Variants in PLCE1 observed in about 807,000 individuals in gnomAD.
PLCE1 encodes phospholipase C epsilon 1.
A neutral mutation model predicts 242.8 loss-of-function variants in PLCE1; 119 were observed. The ratio of observed to expected loss-of-function variants is 0.49; its 90% CI spans 0.42 to 0.57. The LOEUF (loss-of-function observed/expected upper bound fraction) is 0.57, where lower values mean the gene tolerates loss of function less well. Among genes scored for constraint, PLCE1 ranks in the 20% least tolerant of loss-of-function variants. The probability of loss-of-function intolerance (pLI) is 0.00; values close to 1 mark genes in which losing one functional copy is unlikely to be tolerated. For synonymous variants in PLCE1, 945 were observed against 1,017.4 expected, an observed-to-expected ratio of 0.93 and a Z score of 1.35; for missense variants, 2,441 against 2,788.8, an observed-to-expected ratio of 0.88 and a Z score of 2.81.
At chr10:94,257,571 C>T (rs2051143691) in intron 11 of PLCE1, among the ~76,000 whole-genome samples, 1 of 152,286 alleles carries the variant, frequency 6.6e-6, no homozygotes, top group South Asian at 2.1e-4. Flanking sequence ...ACATAGACAC[C>T]ATTGGAATAC....
chr10:94,097,800 C>CTGAA (rs955727390), intron 2 of PLCE1, among the ~76,000 whole-genome samples: 1 of 152,186 alleles, frequency 6.6e-6, no homozygotes, highest in African/African-American at 2.4e-5. Flanking sequence ...GTATGTGGTG[C>CTGAA]TGAGCCTTTA....
intron 4 of PLCE1, among the ~76,000 whole-genome samples, chr10:94,185,259 G>A (rs2048437613): frequency 6.6e-6 from 1 of 152,244 alleles, no homozygotes; most frequent in South Asian, 2.1e-4. Context: ...AGCATTTTAA[G>A]AGGCTGAGGT....
chr10:94,144,159 A>C (rs1349860405), intron 3 of PLCE1, among the ~76,000 whole-genome samples: 1 of 152,176 alleles, frequency 6.6e-6, no homozygotes, highest in Non-Finnish European at 1.5e-5. Flanking sequence ...CAAAATCCTT[A>C]ACTAGGGTTG....
intron 2 of PLCE1, among the ~76,000 whole-genome samples, chr10:94,129,353 G>A (rs1181596206): frequency 1.3e-5 from 2 of 152,206 alleles, no homozygotes; most frequent in Non-Finnish European, 2.9e-5. Flanking sequence ...AAATAGTTAA[G>A]CAAATTAAAA....
chr10:94,298,754 G>A lies in PLCE1; in HGVS notation c.5458+85G>A. Reference sequence around the variant, plus strand: ...TGACAGCATTTTTTCAAAGGGGCAAGATTCCAGACTGGGGCACACCATATG... The same window carrying A: ...TGACAGCATTTTTTCAAAGGGGCAAAATTCCAGACTGGGGCACACCATATG... On this transcript the variant is annotated intron_variant, in intron 24 of 32. Coordinates refer to ENST00000371380, the MANE Select transcript of PLCE1 (RefSeq NM_016341.4). The surrounding 1 kb of genome is among the most constrained non-coding windows in gnomAD (Gnocchi z 5.2). 7.3e-7 allele frequency: 1 copy of A among 1,378,056 alleles called. No individual in the cohort carries two copies. Among genetic ancestry groups the A allele is most frequent in the Admixed American group, 1.7e-5 (1 of 59,728 alleles). 85.4% of individuals were successfully genotyped at this position (1,378,056 alleles called of 1,614,324 possible). A position where few individuals can be genotyped will look rare whatever the true frequency, so the allele number is the denominator to read the frequency against.
intron 2 of PLCE1, among the ~76,000 whole-genome samples, chr10:94,116,550 C>T (rs1447326104): frequency 6.6e-6 from 1 of 152,180 alleles, no homozygotes; most frequent in Non-Finnish European, 1.5e-5. Flanking sequence ...CAAAAACTAG[C>T]TGGGCGTGGT....
chr10:94,311,445 T>C (rs2053384289), intron 27 of PLCE1, among the ~76,000 whole-genome samples: 1 of 152,220 alleles, frequency 6.6e-6, no homozygotes, highest in African/African-American at 2.4e-5. Context: ...CAAATATGTA[T>C]TTTTTGTTAT....
intron 2 of PLCE1, among the ~76,000 whole-genome samples, chr10:94,048,199 T>C (rs1381742917): frequency 6.6e-6 from 1 of 152,208 alleles, no homozygotes; most frequent in Non-Finnish European, 1.5e-5. Flanking sequence ...AGAGTGTTTC[T>C]ATGTTTTTGG....
intron 23 of PLCE1, among the ~76,000 whole-genome samples, chr10:94,295,525 G>A (rs2052782785): frequency 6.6e-6 from 1 of 152,094 alleles, no homozygotes; most frequent in African/African-American, 2.4e-5. Flanking sequence ...ACCCCTCCAA[G>A]TCATCCATGA....
intron 2 of PLCE1, among the ~76,000 whole-genome samples, chr10:94,097,783 C>T (rs1322672908): frequency 2.6e-5 from 4 of 152,188 alleles, no homozygotes; most frequent in Admixed American, 2.0e-4. Flanking sequence ...CTGCTGCCAT[C>T]GTCCAAGTAT....
intron 2 of PLCE1, among the ~76,000 whole-genome samples, chr10:94,124,646 C>G (rs554419673): frequency 6.6e-6 from 1 of 152,244 alleles, no homozygotes; most frequent in African/African-American, 2.4e-5. Context: ...CAGCATCTAC[C>G]ATAGTCGATG....
In PLCE1 at chr10:94,033,635, C is replaced by G. The variant is rs2061606760; in HGVS notation, c.1206+1383C>G. 2.0e-5 allele frequency among the ~76,000 whole-genome samples: 3 copies of G among 152,078 alleles called. No homozygotes were observed. The South Asian group carries it at 6.2e-4, about 31-fold the overall frequency. On this transcript the variant is annotated intron_variant, in intron 2 of 32. Transcript: ENST00000371380. ...CTCTGAATTCTATCCACAGTCTCCCCTCTTTAAGAATCCTGCTCTGGAAAT... is the reference window on the plus strand; with the variant it reads ...CTCTGAATTCTATCCACAGTCTCCCGTCTTTAAGAATCCTGCTCTGGAAAT...
chr10:94,267,217 T>A (rs1049406015), intron 16 of PLCE1, among the ~76,000 whole-genome samples: 1 of 152,236 alleles, frequency 6.6e-6, no homozygotes, highest in Non-Finnish European at 1.5e-5. Flanking sequence ...TATATACATA[T>A]CTATGTATAT....
intron 8 of PLCE1, among the ~76,000 whole-genome samples, chr10:94,250,145 A>C (rs1279900255): frequency 6.6e-6 from 1 of 151,572 alleles, no homozygotes; most frequent in African/African-American, 2.4e-5. Flanking sequence ...AAAAAAAAAA[A>C]AAAAACTGTT....
At chr10:94,159,492 C>T (rs1170108285) in intron 3 of PLCE1, among the ~76,000 whole-genome samples, 3 of 152,056 alleles carry the variant, frequency 2.0e-5, no homozygotes, top group Non-Finnish European at 2.9e-5. Flanking sequence ...AGAATTGTAC[C>T]ACTAAAGGAC....
chr10:94,236,138 A>G lies in PLCE1; in HGVS notation c.2420+18A>G. On this transcript the variant is annotated intron_variant, in intron 7 of 32. Coordinates refer to ENST00000371380, the MANE Select transcript of PLCE1 (RefSeq NM_016341.4). Reference sequence around the variant, plus strand: ...CGATGGCAGTAAGTTTTACACGTTAAAAGTGAGGAATGCTCATCTCTTCTT... The same window carrying G: ...CGATGGCAGTAAGTTTTACACGTTAGAAGTGAGGAATGCTCATCTCTTCTT... 4 of 1,598,532 alleles carry G rather than the reference A, an allele frequency of 2.5e-6. No homozygotes were observed. Among genetic ancestry groups the G allele is most frequent in the Non-Finnish European group, 3.4e-6 (4 of 1,166,736 alleles).
At chr10:94,090,423 A>T (rs949814929) in intron 2 of PLCE1, among the ~76,000 whole-genome samples, 1 of 152,216 alleles carries the variant, frequency 6.6e-6, no homozygotes, top group Non-Finnish European at 1.5e-5. Flanking sequence ...TGAGAGATGG[A>T]TAACAACCCT....
intron 4 of PLCE1, among the ~76,000 whole-genome samples, chr10:94,197,680 T>G (rs2048862399): frequency 6.6e-6 from 1 of 152,192 alleles, no homozygotes; most frequent in Non-Finnish European, 1.5e-5. Flanking sequence ...AAGCGTGACA[T>G]TAAGATATAA....
intron 2 of PLCE1, among the ~76,000 whole-genome samples, chr10:94,071,527 C>T (rs1048812590): frequency 5.1e-5 from 5 of 97,186 alleles, no homozygotes; most frequent in African/African-American, 2.7e-4. Context: ...GAGTCACTCT[C>T]ACTCTGTGGC....
Sources: allele counts gnomAD v4.1 joint callset (sites outside exome capture counted in the v4.1 genomes callset), GRCh38; gene constraint gnomAD v4.1.1; non-coding constraint Gnocchi (gnomAD v3.1); transcripts MANE v1.5; gene names NCBI Gene and HGNC (gene_info 2026-07-23, HGNC 2026-07-21).